The following SLC4A5 variants were observed in gnomAD, a reference collection of about 807,000 sequenced individuals.
The protein encoded by SLC4A5 is electrogenic sodium bicarbonate cotransporter 4.
In SLC4A5, 96 loss-of-function variants were observed where a neutral mutation model predicts 120.4. That is an observed-to-expected ratio of 0.80 (90% CI 0.68 to 0.94). SLC4A5 has a LOEUF of 0.94. Ranked by LOEUF, SLC4A5 falls within the 40% of genes least tolerant of loss-of-function variation. The probability of loss-of-function intolerance (pLI) is 0.00; values close to 1 mark genes in which losing one functional copy is unlikely to be tolerated. For missense variants in SLC4A5, 1,259 were observed against 1,459.5 expected (o/e 0.86, Z 2.24); for synonymous variants, 550 against 571.1 (o/e 0.96, Z 0.53).
At chr2:74,248,366 A>T in exon 18 of SLC4A5, 1 of 1,614,116 alleles carries the variant, frequency 6.2e-7, no homozygotes, top group South Asian at 1.1e-5. Flanking sequence ...CTGAAGTCGA[A>T]GAGGAGCTTC....
At chr2:74,280,938 CA>C (rs1003943511) in intron 8 of SLC4A5, among the ~76,000 whole-genome samples, 2 of 152,162 alleles carry the variant, frequency 1.3e-5, no homozygotes, top group African/African-American at 4.8e-5. Context: ...CCACCTGCTT[CA>C]GCCTCCCAAA....
chr2:74,307,064 G>T, intron 6 of SLC4A5: 2 of 567,346 alleles, frequency 3.5e-6, no homozygotes, highest in South Asian at 1.6e-5. Context: ...TTCCCAAGCT[G>T]ACCTTCAGAT....
chr2:74,232,458 AC>A lies in SLC4A5; in HGVS notation c.2774+10del. ...CCCATTGGGTGATCCCTAGGCCCTG[AC>A]CCCTCCTACCTGACTCCCAGAAACT... On this transcript the variant is annotated intron_variant, in intron 24 of 30. Transcript: ENST00000394019. 6.2e-7 allele frequency: 1 copy of A among 1,612,780 alleles called. No homozygotes were observed.
intron 3 of SLC4A5, among the ~76,000 whole-genome samples, chr2:74,338,377 T>C (rs1419673066): frequency 6.6e-6 from 1 of 152,198 alleles, no homozygotes; most frequent in Admixed American, 6.5e-5. Flanking sequence ...TGAAATACCA[T>C]TTTTTACCTT....
intron 10 of SLC4A5, among the ~76,000 whole-genome samples, chr2:74,263,815 T>C (rs1671215217): frequency 6.6e-6 from 1 of 152,198 alleles, no homozygotes; most frequent in South Asian, 2.1e-4. Flanking sequence ...CTAACTTCTC[T>C]TTTTCTAGGC....
chr2:74,279,918 C>G (rs1326734634), intron 8 of SLC4A5, among the ~76,000 whole-genome samples: 5 of 152,208 alleles, frequency 3.3e-5, no homozygotes, highest in South Asian at 2.1e-4. Flanking sequence ...CCCCTTCTCT[C>G]TATCCCTACT....
At chr2:74,289,426 C>T (rs923583368) in intron 7 of SLC4A5, among the ~76,000 whole-genome samples, 15 of 152,104 alleles carry the variant, frequency 9.9e-5, no homozygotes, top group African/African-American at 3.4e-4. Flanking sequence ...AAGTGATCCT[C>T]CCACTTCAGC....
At chr2:74,327,854 G>A (rs1673255094) in intron 5 of SLC4A5, among the ~76,000 whole-genome samples, 1 of 152,174 alleles carries the variant, frequency 6.6e-6, no homozygotes, top group Non-Finnish European at 1.5e-5. Context: ...GTGTCAGACA[G>A]AACAAGTTTC....
chr2:74,289,188 G>A (rs1056321556), intron 7 of SLC4A5, among the ~76,000 whole-genome samples: 1 of 152,122 alleles, frequency 6.6e-6, no homozygotes, highest in African/African-American at 2.4e-5. Context: ...GGGAGTCATG[G>A]TTCTCTTTGA....
At chr2:74,300,165 C>G (rs1238781666) in intron 7 of SLC4A5, among the ~76,000 whole-genome samples, 1 of 152,188 alleles carries the variant, frequency 6.6e-6, no homozygotes, top group Non-Finnish European at 1.5e-5. Flanking sequence ...AAAAGTTGAA[C>G]TCATAGAAAC....
chr2:74,293,720 CA>C lies in SLC4A5; in HGVS notation c.272-7819del, dbSNP rs537335280. Among the ~76,000 whole-genome samples the C allele has an allele frequency of 3.1e-3, 478 of 152,308 alleles. 6 individuals are homozygous for C. Among genetic ancestry groups the C allele is most frequent in the African/African-American group, 0.011 (459 of 41,560 alleles). On this transcript the variant is annotated intron_variant, in intron 7 of 30. Transcript: ENST00000394019. The stretch of plus-strand genomic sequence containing the variant: ...AACTCCTTTGTTCTTGTAATATAAA[CA>C]ATCTCTCCCCACACCCCTTCTCTCT...
At chr2:74,294,733 G>A (rs922538136) in intron 7 of SLC4A5, among the ~76,000 whole-genome samples, 6 of 149,982 alleles carry the variant, frequency 4.0e-5, no homozygotes, top group Non-Finnish European at 5.9e-5. Context: ...GTGTACTGAC[G>A]CAATCTCAGC....
intron 8 of SLC4A5, among the ~76,000 whole-genome samples, chr2:74,269,810 G>A (rs1424140851): frequency 6.6e-6 from 1 of 152,054 alleles, no homozygotes; most frequent in Non-Finnish European, 1.5e-5. Flanking sequence ...TCTCTCCCCT[G>A]ACATCCCATT....
At chr2:74,318,684 CAAA>C (rs775042763) in intron 5 of SLC4A5, among the ~76,000 whole-genome samples, 1 of 90,094 alleles carries the variant, frequency 1.1e-5, no homozygotes, top group Non-Finnish European at 2.4e-5. Context: ...CTCTGTCTCA[CAAA>C]AAAAAAAAAA....
At chr2:74,329,360 C>CG (rs1388755791) in intron 4 of SLC4A5, among the ~76,000 whole-genome samples, 2 of 151,978 alleles carry the variant, frequency 1.3e-5, no homozygotes, top group Non-Finnish European at 2.9e-5. Flanking sequence ...GAGGCTGAGG[C>CG]GGGCAGATCA....
intron 4 of SLC4A5, among the ~76,000 whole-genome samples, chr2:74,329,909 G>A (rs1558917004): frequency 6.6e-6 from 1 of 151,878 alleles, no homozygotes; most frequent in Admixed American, 6.6e-5. Flanking sequence ...TGTAGATGGA[G>A]GTGGTAAGTT....
chr2:74,282,648 C>T (rs1257943180), intron 8 of SLC4A5, among the ~76,000 whole-genome samples: 1 of 152,246 alleles, frequency 6.6e-6, no homozygotes, highest in African/African-American at 2.4e-5. Context: ...TGTGAATCCA[C>T]ACTCTGAGAG....
chr2:74,265,024 G>C, intron 9 of SLC4A5, 80 bp downstream of exon 9: 2 of 1,477,036 alleles, frequency 1.4e-6, no homozygotes, highest in Non-Finnish European at 1.8e-6. Context: ...ACACAGACTT[G>C]AGGGCAGGCA....
At chr2:74,229,854 T>C (rs147297691) in intron 25 of SLC4A5, among the ~76,000 whole-genome samples, 171 of 151,996 alleles carry the variant, frequency 1.1e-3, no homozygotes, top group Non-Finnish European at 1.9e-3. Flanking sequence ...TTAGCGTTTG[T>C]TTCTTACAAG....
Sources: allele counts gnomAD v4.1 joint callset (sites outside exome capture counted in the v4.1 genomes callset), GRCh38; gene constraint gnomAD v4.1.1; transcripts MANE v1.5; gene names NCBI Gene and HGNC (gene_info 2026-07-23, HGNC 2026-07-21).